The following RSPO3 variants were observed in gnomAD, a reference collection of about 807,000 sequenced individuals.
The protein encoded by RSPO3 is R-spondin-3.
RSPO3 carries 17 observed loss-of-function variants against 36.5 expected under a neutral mutation model. The observed-to-expected ratio is 0.47, with a 90% confidence interval of 0.32 to 0.70. RSPO3 has a LOEUF of 0.70. Ranked by LOEUF, RSPO3 falls within the 30% of genes least tolerant of loss-of-function variation. RSPO3 has a pLI of 0.04. For synonymous variants in RSPO3, 108 were observed against 107.0 expected (o/e 1.01, Z -0.06); for missense variants, 294 against 322.5 (o/e 0.91, Z 0.68).
chr6:127,183,124 G>C (rs899783960), intron 4 of RSPO3, among the ~76,000 whole-genome samples: 1 of 151,880 alleles, frequency 6.6e-6, no homozygotes, highest in Non-Finnish European at 1.5e-5. Context: ...GATGGACTCT[G>C]ATCCACACTC....
chr6:127,151,036 T>C (rs1774481645), intron 3 of RSPO3, among the ~76,000 whole-genome samples: 1 of 151,918 alleles, frequency 6.6e-6, no homozygotes, highest in Admixed American at 6.6e-5. Context: ...TGACCAAAGT[T>C]ATTTTCCAAG....
At chr6:127,134,881 T>G (rs1181632680) in intron 1 of RSPO3, among the ~76,000 whole-genome samples, 1 of 152,190 alleles carries the variant, frequency 6.6e-6, no homozygotes. Context: ...AAACTGTACA[T>G]CTAGATCTTC....
intron 1 of RSPO3, among the ~76,000 whole-genome samples, chr6:127,121,016 C>T (rs1773834006): frequency 6.6e-6 from 1 of 152,192 alleles, no homozygotes; most frequent in African/African-American, 2.4e-5. Context: ...GCATAGGGAG[C>T]CCGGGCTGGA....
At chr6:127,159,848 T>C (rs193035516) in intron 4 of RSPO3, among the ~76,000 whole-genome samples, 3 of 151,836 alleles carry the variant, frequency 2.0e-5, no homozygotes, top group Non-Finnish European at 4.4e-5. Flanking sequence ...GGGGTTTCAC[T>C]GTGTTGGCCA....
intron 1 of RSPO3, among the ~76,000 whole-genome samples, chr6:127,136,570 T>C (rs1774160581): frequency 1.3e-5 from 2 of 152,224 alleles, no homozygotes; most frequent in African/African-American, 2.4e-5. Context: ...ATCGTCTTAT[T>C]TGATTTTTTT....
intron 1 of RSPO3, among the ~76,000 whole-genome samples, chr6:127,135,247 C>G (rs532873594): frequency 6.6e-6 from 1 of 151,968 alleles, no homozygotes; most frequent in African/African-American, 2.4e-5. Flanking sequence ...TGGTGAAACC[C>G]CGTCTCTACT....
chr6:127,195,983 G>A lies in RSPO3; in HGVS notation c.795G>A (p.Ser265=), dbSNP rs757866402. The A allele has an allele frequency of 6.2e-6, 10 of 1,612,692 alleles. 1 individual carries two copies. The highest frequency in any genetic ancestry group is 2.2e-5 in the East Asian group (1 of 44,838). ...GAAAAGTCCAAGATAAACAGAAATC[G>A]GTATCAGTCAGCACTGTACACTAGA... The part of the protein sequence containing the change: ...KKRKVQDKQK[S]VSVSTVH The change falls in exon 5 of 5, where the codon TCG becomes TCA. Residue 265 remains serine (S), a synonymous_variant. Transcript: ENST00000356698.
chr6:127,152,408 A>C lies in RSPO3; in HGVS notation c.436+1836A>C, dbSNP rs193296529. Among the ~76,000 whole-genome samples the C allele has an allele frequency of 1.1e-4, 17 of 152,282 alleles. No homozygotes were observed. The South Asian group carries it at 1.7e-3, about 15-fold the overall frequency. On this transcript the variant is annotated intron_variant, in intron 3 of 4. Transcript: ENST00000356698. ...TGCCTTTAGGCCAGTCCAGAATTTCAGGGAAGATGATGACCTGCTTCTATA... is the reference window on the plus strand; with the variant it reads ...TGCCTTTAGGCCAGTCCAGAATTTCCGGGAAGATGATGACCTGCTTCTATA...
rs1773777784 is a variant in RSPO3 at position 127,119,017 on chromosome 6, T to A, written c.-176T>A. 2.0e-6 allele frequency: 1 copy of A among 501,392 alleles called. No individual in the cohort carries two copies. Among genetic ancestry groups the A allele is most frequent in the African/African-American group, 2.0e-5 (1 of 50,846 alleles). 31.1% of individuals were successfully genotyped at this position (501,392 alleles called of 1,614,324 possible). A position where few individuals can be genotyped will look rare whatever the true frequency, so the allele number is the denominator to read the frequency against. On this transcript the variant is annotated 5_prime_UTR_variant, in exon 1 of 5. Coordinates refer to ENST00000356698, the MANE Select transcript of RSPO3 (RefSeq NM_032784.5). ...GAAAGTACAATAGTTGGTTTCCCTG[T>A]CCACCCGCCCCACTTCGCTTGCCAT...
At chr6:127,158,094 C>T (rs1357297112) in intron 4 of RSPO3, among the ~76,000 whole-genome samples, 2 of 151,326 alleles carry the variant, frequency 1.3e-5, no homozygotes, top group African/African-American at 4.8e-5. Context: ...ATGATAAGAA[C>T]CCCACATACA....
At position 127,118,901 on chromosome 6, in the gene RSPO3, C is replaced by A; in HGVS notation, c.-292C>A. On this transcript the variant is annotated 5_prime_UTR_variant, in exon 1 of 5. The change creates a new upstream start codon in the 5' untranslated region. Transcript: ENST00000356698. ...CGGCAGTTGCCGCACAACATGCTAC[C>A]TGCGGCCGCCCCGGCGGCTCCTGGA... The A allele has an allele frequency of 4.4e-6, 1 of 225,072 alleles. No individual in the cohort carries two copies. The highest frequency in any genetic ancestry group is 8.6e-6 in the Non-Finnish European group (1 of 116,590). 13.9% of individuals were successfully genotyped at this position (225,072 alleles called of 1,614,324 possible).
intron 4 of RSPO3, among the ~76,000 whole-genome samples, chr6:127,160,414 G>A (rs941345806): frequency 1.3e-5 from 2 of 152,180 alleles, no homozygotes; most frequent in Non-Finnish European, 2.9e-5. Context: ...GCTTAGCCCA[G>A]AAAAGAATTC....
rs916214510 is a variant in RSPO3, at chr6:127,118,917, G to A, written c.-276G>A. On this transcript the variant is annotated 5_prime_UTR_variant, in exon 1 of 5. Transcript: ENST00000356698. ...ACATGCTACCTGCGGCCGCCCCGGCGGCTCCTGGAACCCCGGTTCGCGGCG... is the reference window on the plus strand; with the variant it reads ...ACATGCTACCTGCGGCCGCCCCGGCAGCTCCTGGAACCCCGGTTCGCGGCG... 1 of 261,182 alleles carries A rather than the reference G, an allele frequency of 3.8e-6. No homozygotes were observed. Among genetic ancestry groups the A allele is most frequent in the African/African-American group, 2.2e-5 (1 of 45,090 alleles). The allele number at this position is 261,182 out of a possible 1,614,324, so 16.2% of individuals were successfully genotyped here.
chr6:127,167,546 A>G (rs940493136), intron 4 of RSPO3, among the ~76,000 whole-genome samples: 26 of 151,502 alleles, frequency 1.7e-4, no homozygotes, highest in Non-Finnish European at 2.9e-5. Context: ...GGTTGATTCC[A>G]TGTCTATGCT....
At chr6:127,162,852 C>A (rs1226061390) in intron 4 of RSPO3, among the ~76,000 whole-genome samples, 1 of 152,024 alleles carries the variant, frequency 6.6e-6, no homozygotes, top group African/African-American at 2.4e-5. Context: ...TTAATGCTGG[C>A]AAAAATGAAA....
At chr6:127,195,658 A>C (rs1202414663) in intron 4 of RSPO3, among the ~76,000 whole-genome samples, 165 bp from the exon 5 acceptor site, 1 of 152,216 alleles carries the variant, frequency 6.6e-6, no homozygotes, top group Admixed American at 6.5e-5. Flanking sequence ...CATTGTTTGG[A>C]ATATACCACA....
chr6:127,160,142 A>C (rs1241934867), intron 4 of RSPO3, among the ~76,000 whole-genome samples: 3 of 152,146 alleles, frequency 2.0e-5, no homozygotes, highest in African/African-American at 7.2e-5. Flanking sequence ...TGTAGGTCGT[A>C]AATGGTCAAA....
At chr6:127,143,975 T>C (rs1428271995) in intron 1 of RSPO3, among the ~76,000 whole-genome samples, 2 of 152,210 alleles carry the variant, frequency 1.3e-5, no homozygotes, top group Non-Finnish European at 2.9e-5. Flanking sequence ...GCAAGTCTCT[T>C]AGGAATGGTT....
chr6:127,142,875 G>T (rs537256063), intron 1 of RSPO3, among the ~76,000 whole-genome samples: 3 of 151,640 alleles, frequency 2.0e-5, no homozygotes, highest in Admixed American at 1.3e-4. Flanking sequence ...GGAGTGCAAT[G>T]GTACAGTCTT....
Sources: allele counts gnomAD v4.1 joint callset (sites outside exome capture counted in the v4.1 genomes callset), GRCh38; gene constraint gnomAD v4.1.1; transcripts MANE v1.5; gene names NCBI Gene and HGNC (gene_info 2026-07-23, HGNC 2026-07-21).